ACSL6: variants seen among roughly 807,000 people sequenced by gnomAD.
ACSL6 encodes acyl-CoA synthetase long chain family member 6.
A neutral mutation model predicts 98.2 loss-of-function variants in ACSL6; 47 were observed. The observed-to-expected ratio is 0.48, with a 90% CI of 0.38 to 0.61. The LOEUF (loss-of-function observed/expected upper bound fraction) is 0.61. ACSL6 is among the 20% of genes least tolerant of loss of function. The pLI is 0.00. For missense variants in ACSL6, 761 were observed against 913.4 expected (o/e 0.83, Z 2.15); for synonymous variants, 362 against 336.9 (o/e 1.07, Z -0.82).
intron 17 of ACSL6, among the ~76,000 whole-genome samples, chr5:131,965,851 G>A (rs1752985797): frequency 6.6e-6 from 1 of 152,188 alleles, no homozygotes; most frequent in African/African-American, 2.4e-5. Context: ...AAAAGCTGGG[G>A]GCCATGGGCA....
intron 9 of ACSL6, among the ~76,000 whole-genome samples, chr5:131,978,606 T>G (rs1432624339): frequency 1.3e-5 from 2 of 152,132 alleles, no homozygotes; most frequent in African/African-American, 2.4e-5. Context: ...GACTGACACT[T>G]GTAATTCTGA....
rs191757237 is a variant in ACSL6 at position 131,980,613 on chromosome 5, C to T, written c.917-3892G>A. ...GCATCCTCAGTTAGAACAGAAGGGA[C>T]GCCCCAATTTGAATGGTCTCCACCC... On this transcript the variant is annotated intron_variant, in intron 9 of 20. Coordinates refer to ENST00000651883, the MANE Select transcript of ACSL6 (RefSeq NM_001009185.3). Among the ~76,000 whole-genome samples the T allele has an allele frequency of 6.4e-4, 98 of 152,234 alleles. 1 individual carries two copies. The South Asian group carries it at 0.01, about 16-fold the overall frequency.
chr5:132,000,567 T>C lies in ACSL6; in HGVS notation c.50-6316A>G, dbSNP rs373865882. Among the ~76,000 whole-genome samples, 8 of 152,074 alleles carry C rather than the reference T, an allele frequency of 5.3e-5. No individual in the cohort carries two copies. In the East Asian group the frequency reaches 1.2e-3, roughly 22 times the overall value. ...TTCACTACTATTTCCATGGCTAACA[T>C]GTGGCTGAGCACACAAGTATGATCA... On this transcript the variant is annotated intron_variant, in intron 1 of 20. Transcript: ENST00000651883.
rs147214194 is a variant in ACSL6, at chr5:131,957,194, A to G, written c.2031+2342T>C. ...AGGAGAGATAAAGTTAAAAAAAAAC[A>G]ATTACATGAGTTAGGGAAATGCTCA... is the stretch of plus-strand genomic sequence containing the variant. On this transcript the variant is annotated intron_variant, in intron 20 of 20. Coordinates refer to ENST00000651883, the MANE Select transcript of ACSL6 (RefSeq NM_001009185.3). Among the ~76,000 whole-genome samples the G allele has an allele frequency of 4.7e-3, 713 of 152,318 alleles. 5 individuals carry two copies. Among genetic ancestry groups the G allele is most frequent in the South Asian group, 7.7e-3 (37 of 4,826 alleles).
In ACSL6 at chr5:132,011,355, C is replaced by T; in HGVS notation, c.49+150G>A. On this transcript the variant is annotated intron_variant, in intron 1 of 20. Coordinates refer to ENST00000651883, the MANE Select transcript of ACSL6 (RefSeq NM_001009185.3). The surrounding 1 kb of genome is among the most constrained non-coding windows in gnomAD (Gnocchi z 5.4). ...GCGAGAACTGGGGGCGGAGGGTGTACTTAGGCGGCCCTGGGGACCTTGACG... is the reference window on the plus strand; with the variant it reads ...GCGAGAACTGGGGGCGGAGGGTGTATTTAGGCGGCCCTGGGGACCTTGACG... 1 of 835,734 alleles carries T rather than the reference C, an allele frequency of 1.2e-6. No individual in the cohort carries two copies. The highest frequency in any genetic ancestry group is 1.8e-5 in the African/African-American group (1 of 56,500). 51.8% of individuals were successfully genotyped at this position (835,734 alleles called of 1,614,324 possible).
intron 9 of ACSL6, among the ~76,000 whole-genome samples, chr5:131,977,859 G>C (rs975122275): frequency 2.0e-5 from 3 of 152,156 alleles, no homozygotes; most frequent in South Asian, 4.1e-4. Flanking sequence ...GCCTCAATGA[G>C]GGGGTGGGGA....
chr5:131,991,774 T>A (rs1300201635), intron 2 of ACSL6, among the ~76,000 whole-genome samples: 1 of 151,906 alleles, frequency 6.6e-6, no homozygotes, highest in East Asian at 1.9e-4. Context: ...TGAGCTACCC[T>A]GGGCTGGGCC....
intron 7 of ACSL6, among the ~76,000 whole-genome samples, chr5:131,987,580 C>A (rs1352358397): frequency 6.6e-6 from 1 of 152,212 alleles, no homozygotes; most frequent in Non-Finnish European, 1.5e-5. Flanking sequence ...CCCCAGCAGA[C>A]CACCAACTGC....
At chr5:131,980,471 G>A (rs559971) in intron 9 of ACSL6, among the ~76,000 whole-genome samples, 32,651 of 152,024 alleles carry the variant, frequency 0.21, 3,781 homozygotes, top group East Asian at 0.51. Context: ...AGCACAAAAC[G>A]AATAGGTCAT....
chr5:131,987,155 C>G (rs751199725), intron 7 of ACSL6, among the ~76,000 whole-genome samples: 8 of 152,168 alleles, frequency 5.3e-5, no homozygotes, highest in Non-Finnish European at 1.0e-4. Context: ...TCCTGGGAGA[C>G]AGGGAGGGTG....
chr5:131,988,191 T>C lies in ACSL6; in HGVS notation c.688A>G (p.Lys230Glu). 1 of 1,614,148 alleles carries C rather than the reference T, an allele frequency of 6.2e-7. No homozygotes were observed. The highest frequency in any genetic ancestry group is 8.5e-7 in the Non-Finnish European group (1 of 1,180,028). Residue 230 changes from lysine (K) to glutamate (E), a missense_variant, in exon 7 of 21, where the codon AAG (lysine) becomes GAG (glutamate). Coordinates refer to ENST00000651883, the MANE Select transcript of ACSL6 (RefSeq NM_001009185.3). ...ACATGCTCTAGCAGAAGCACAGCCT[T>C]CTGAGGTTTGTCCACAATCACGGTG... ...ISTVIVDKPQKAVLLLEHVER... is the reference protein window; with the variant it reads ...ISTVIVDKPQEAVLLLEHVER...
chr5:131,959,640 C>G (rs764111728), intron 19 of ACSL6, 33 bp from the exon 20 acceptor site: 3 of 1,597,554 alleles, frequency 1.9e-6, no homozygotes, highest in South Asian at 2.2e-5. Flanking sequence ...AATTACAAGA[C>G]AAGAACACAT....
intron 10 of ACSL6, 24 bp downstream of exon 10, chr5:131,976,624 C>A (rs1227586554): frequency 1.3e-6 from 2 of 1,596,202 alleles, no homozygotes; most frequent in Non-Finnish European, 1.7e-6. Context: ...GAGACACCTG[C>A]AACAGTAATG....
chr5:131,981,569 C>T (rs1024033006), intron 9 of ACSL6, among the ~76,000 whole-genome samples: 4 of 152,122 alleles, frequency 2.6e-5, no homozygotes, highest in African/African-American at 4.8e-5. Flanking sequence ...TAATTAATCA[C>T]GTTTTATAAT....
chr5:131,991,102 G>A, intron 2 of ACSL6, 135 bp from the exon 3 acceptor site: 1 of 694,104 alleles, frequency 1.4e-6, no homozygotes, highest in Non-Finnish European at 2.5e-6. Context: ...GCATCTGTGT[G>A]CCCGCGTACA....
In ACSL6 at chr5:131,964,051, T is replaced by C. The variant is rs189206738; in HGVS notation, c.1714-1373A>G. ...TATTTAACATGATTTCAAAATAACG[T>C]TTTTAAAAGCACAAATGTCTTTATA... On this transcript the variant is annotated intron_variant, in intron 17 of 20. Transcript: ENST00000651883. 1.2e-3 allele frequency among the ~76,000 whole-genome samples: 189 copies of C among 152,318 alleles called. 1 individual carries two copies. The highest frequency in any genetic ancestry group is 4.4e-3 in the African/African-American group (181 of 41,566).
rs149253862 is a variant in ACSL6 at position 131,972,835 on chromosome 5, T to G, written c.1227A>C (p.Pro409=). The change falls in exon 13 of 21, where the codon CCA becomes CCC. Residue 409 remains proline (P), a synonymous_variant. Coordinates refer to ENST00000651883, the MANE Select transcript of ACSL6 (RefSeq NM_001009185.3). ...CAAACTCCAGGAGCCAGCGCTTTAATGGTGTGTTTGCCTGGCTGAAGATCT... is the reference window on the plus strand; with the variant it reads ...CAAACTCCAGGAGCCAGCGCTTTAAGGGTGTGTTTGCCTGGCTGAAGATCT... The part of the protein sequence containing the change: ...YDKIFSQANT[P]LKRWLLEFAA... The G allele has an allele frequency of 1.6e-5, 26 of 1,614,200 alleles. No individual in the cohort carries two copies. In the African/African-American group the frequency reaches 3.1e-4, roughly 19 times the overall value.
intron 6 of ACSL6, chr5:131,988,598 G>A (rs370051151): frequency 8.1e-6 from 13 of 1,612,872 alleles, no homozygotes; most frequent in East Asian, 4.5e-5. Flanking sequence ...TGGCAGCTGA[G>A]CCCTGTGGAA....
chr5:132,004,873 G>T (rs1402351928), intron 1 of ACSL6, among the ~76,000 whole-genome samples: 1 of 152,162 alleles, frequency 6.6e-6, no homozygotes, highest in Non-Finnish European at 1.5e-5. Flanking sequence ...GGGCATGGTG[G>T]CTCACACCTG....
Sources: gnomAD v4.1 joint callset for allele counts (sites outside exome capture counted in the v4.1 genomes callset) on GRCh38, gnomAD v4.1.1 for gene constraint, Gnocchi (gnomAD v3.1) non-coding constraint, MANE v1.5 for transcripts, NCBI Gene and HGNC (gene_info 2026-07-23, HGNC 2026-07-21) for gene names.